Variants in RAB38 observed in about 807,000 individuals in gnomAD.
The protein encoded by RAB38 is RAB38, member RAS oncogene family.
A neutral mutation model predicts 18.4 loss-of-function variants in RAB38; 15 were observed. The observed-to-expected ratio is 0.82, with a 90% CI of 0.55 to 1.26. The LOEUF (loss-of-function observed/expected upper bound fraction) is 1.26, where lower values mean the gene tolerates loss of function less well. Among genes scored for constraint, RAB38 ranks in the 50% most tolerant of loss-of-function variants. The pLI, the probability that RAB38 is intolerant of heterozygous loss-of-function variation, is 0.00. For missense variants in RAB38, 294 were observed against 267.4 expected, an observed-to-expected ratio of 1.10 and a Z score of -0.69; for synonymous variants, 101 against 104.4, an observed-to-expected ratio of 0.97 and a Z score of 0.20.
At chr11:87,817,969 AC>A in the RAB38 span, among the ~76,000 whole-genome samples, 4 of 152,132 alleles carry the variant, frequency 2.6e-5, no homozygotes, top group African/African-American at 7.2e-5. Flanking sequence ...AAATCATAGC[AC>A]CCCAGGATTG....
chr11:87,846,286 A>G, the RAB38 span, among the ~76,000 whole-genome samples: 2 of 152,098 alleles, frequency 1.3e-5, no homozygotes, highest in Admixed American at 1.3e-4. Flanking sequence ...CGTTACTCCA[A>G]TTTACAGACA....
chr11:87,965,696 C>T, the RAB38 span, among the ~76,000 whole-genome samples: 1 of 152,152 alleles, frequency 6.6e-6, no homozygotes, highest in South Asian at 2.1e-4. Context: ...TGCGAACTAC[C>T]TGAGCATTTT....
At chr11:88,046,455 C>A in the RAB38 span, among the ~76,000 whole-genome samples, 7 of 152,290 alleles carry the variant, frequency 4.6e-5, no homozygotes, top group South Asian at 1.4e-3. Flanking sequence ...CTTTACTATT[C>A]TTTTGCACCC....
the RAB38 span, among the ~76,000 whole-genome samples, chr11:88,009,751 G>C: frequency 6.6e-6 from 1 of 152,184 alleles, no homozygotes; most frequent in Non-Finnish European, 1.5e-5. Flanking sequence ...GTGCCAGTGA[G>C]ATTAGCTCTT....
the RAB38 span, among the ~76,000 whole-genome samples, chr11:87,921,882 T>G: frequency 6.6e-6 from 1 of 152,108 alleles, no homozygotes; most frequent in East Asian, 1.9e-4. Flanking sequence ...ATTAAAGAGA[T>G]GATCTAGTCT....
chr11:87,897,255 G>A, the RAB38 span, among the ~76,000 whole-genome samples: 1 of 151,548 alleles, frequency 6.6e-6, no homozygotes, highest in Non-Finnish European at 1.5e-5. Context: ...TATGTTTACA[G>A]AGTTGGTGCC....
At chr11:88,111,718 A>C (rs1226758093), downstream of RAB38, among the ~76,000 whole-genome samples, 1 of 152,218 alleles carries the variant, frequency 6.6e-6, no homozygotes, top group East Asian at 1.9e-4. Context: ...ACATCTCTAT[A>C]ATCTCAAGCC....
At chr11:88,138,097 C>A (rs561617924) in intron 2 of RAB38, among the ~76,000 whole-genome samples, 1 of 152,150 alleles carries the variant, frequency 6.6e-6, no homozygotes, top group South Asian at 2.1e-4. Context: ...GCAGGCAATC[C>A]CACACACAAG....
At chr11:87,923,263 C>T in the RAB38 span, among the ~76,000 whole-genome samples, 4 of 151,808 alleles carry the variant, frequency 2.6e-5, no homozygotes, top group East Asian at 2.0e-4. Context: ...CGGAAAGAGA[C>T]GGTTTCATTT....
At chr11:88,070,684 T>C in the RAB38 span, among the ~76,000 whole-genome samples, 7 of 152,134 alleles carry the variant, frequency 4.6e-5, no homozygotes, top group African/African-American at 1.7e-4. Context: ...AAAATAAGCA[T>C]AGTGAAAAAA....
At chr11:87,837,960 C>T in the RAB38 span, among the ~76,000 whole-genome samples, 17,960 of 152,030 alleles carry the variant, frequency 0.12, 1,352 homozygotes, top group African/African-American at 0.2. Context: ...TGAAAATTAC[C>T]TGCTCTTAAG....
the RAB38 span, among the ~76,000 whole-genome samples, chr11:88,027,562 G>T: frequency 2.0e-5 from 3 of 152,330 alleles, no homozygotes; most frequent in Non-Finnish European, 4.4e-5. Context: ...GGCGCACCAG[G>T]AGATTATATC....
the RAB38 span, among the ~76,000 whole-genome samples, chr11:88,041,511 C>T: frequency 6.6e-6 from 1 of 152,260 alleles, no homozygotes; most frequent in South Asian, 2.1e-4. Context: ...TTCAGAGTAC[C>T]TTGAATGTAA....
the RAB38 span, among the ~76,000 whole-genome samples, chr11:88,021,120 T>C: frequency 1.3e-5 from 2 of 151,826 alleles, no homozygotes; most frequent in Non-Finnish European, 2.9e-5. Flanking sequence ...ATAAATGAAT[T>C]TGAAAAGAAG....
intron 1 of RAB38, among the ~76,000 whole-genome samples, chr11:88,154,632 G>C (rs1591173716): frequency 6.6e-6 from 1 of 152,168 alleles, no homozygotes; most frequent in East Asian, 1.9e-4. Flanking sequence ...CATAGATCGT[G>C]GTACAGCAAG....
chr11:87,921,725 G>A, the RAB38 span, among the ~76,000 whole-genome samples: 7 of 151,602 alleles, frequency 4.6e-5, no homozygotes, highest in African/African-American at 1.7e-4. Context: ...TATGTGCCTG[G>A]CACATAGTAA....
chr11:88,109,416 C>A (rs1220235168), downstream of RAB38, among the ~76,000 whole-genome samples: 2 of 152,108 alleles, frequency 1.3e-5, no homozygotes, highest in East Asian at 1.9e-4. Context: ...ACCATAAAAA[C>A]CCTAGAAGAA....
the RAB38 span, among the ~76,000 whole-genome samples, chr11:88,059,001 C>T: frequency 6.6e-6 from 1 of 152,146 alleles, no homozygotes; most frequent in Non-Finnish European, 1.5e-5. Flanking sequence ...CCAAGGGATT[C>T]CCTAAGAGTA....
the RAB38 span, among the ~76,000 whole-genome samples, chr11:87,860,142 T>G: frequency 7.2e-5 from 11 of 152,096 alleles, no homozygotes; most frequent in African/African-American, 2.6e-4. Context: ...GATGGGCCAG[T>G]GTCTTAAAGT....
Sources: gnomAD v4.1 joint callset for allele counts (sites outside exome capture counted in the v4.1 genomes callset) on GRCh38, gnomAD v4.1.1 for gene constraint, MANE v1.5 for transcripts, NCBI Gene and HGNC (gene_info 2026-07-23, HGNC 2026-07-21) for gene names.